Variants in PFKFB3 observed in about 807,000 individuals in gnomAD.
The protein encoded by PFKFB3 is 6-phosphofructo-2-kinase/fructose-2,6-bisphosphatase 3.
Under a neutral mutation model 68.0 loss-of-function variants are expected in PFKFB3, and 33 were observed. The observed-to-expected ratio is 0.49, with a 90% CI of 0.37 to 0.65. PFKFB3 has a LOEUF of 0.65. Ranked by LOEUF, PFKFB3 falls within the 30% of genes least tolerant of loss-of-function variation. The pLI is 0.00. For missense variants in PFKFB3, 586 were observed against 712.2 expected (o/e 0.82, Z 2.02); for synonymous variants, 315 against 288.2 (o/e 1.09, Z -0.94).
chr10:6,185,539 G>T (rs1305113940), intron 1 of PFKFB3, among the ~76,000 whole-genome samples: 1 of 152,042 alleles, frequency 6.6e-6, no homozygotes, highest in Non-Finnish European at 1.5e-5. Context: ...CTTCCACCGG[G>T]TGCTGCTGGA....
At chr10:6,196,808 ACT>A (rs1285873684) in intron 1 of PFKFB3, among the ~76,000 whole-genome samples, 1 of 151,776 alleles carries the variant, frequency 6.6e-6, no homozygotes, top group Non-Finnish European at 1.5e-5. Flanking sequence ...TCATCTTGAC[ACT>A]CAGTATTCAC....
At chr10:6,269,500 A>C in the PFKFB3 span, among the ~76,000 whole-genome samples, 2 of 151,944 alleles carry the variant, frequency 1.3e-5, no homozygotes, top group African/African-American at 4.8e-5. Context: ...ACATACATAT[A>C]TTTTTTTCCC....
upstream of PFKFB3, among the ~76,000 whole-genome samples, chr10:6,201,742 T>A (rs970498744): frequency 6.6e-6 from 1 of 152,060 alleles, no homozygotes; most frequent in Non-Finnish European, 1.5e-5. The surrounding 1 kb of genome is among the most constrained non-coding windows in gnomAD (Gnocchi z 4.1). Flanking sequence ...GCCTCAGCGC[T>A]AAGTGTGCAC....
intron 1 of PFKFB3, chr10:6,146,337 A>G: frequency 6.5e-7 from 1 of 1,529,230 alleles, no homozygotes; most frequent in African/African-American, 1.4e-5. Flanking sequence ...CTGGCGGTGA[A>G]GGGGGTGGCT....
chr10:6,196,994 ATTATTT>A (rs1843196176), intron 1 of PFKFB3, among the ~76,000 whole-genome samples: 2 of 151,362 alleles, frequency 1.3e-5, no homozygotes, highest in African/African-American at 4.9e-5. Context: ...TATTATTATT[ATTATTT>A]TTGAGACAGA....
chr10:6,247,460 G>A (rs1404563012), intron 14 of PFKFB3, among the ~76,000 whole-genome samples: 1 of 152,194 alleles, frequency 6.6e-6, no homozygotes. Flanking sequence ...ACATCCATCC[G>A]CCCACTGCTT....
chr10:6,246,111 C>G (rs1173194910), intron 14 of PFKFB3, among the ~76,000 whole-genome samples: 1 of 152,162 alleles, frequency 6.6e-6, no homozygotes. Flanking sequence ...GATGGCCATT[C>G]ACCCGGCTGG....
chr10:6,237,489 T>C (rs1482534095), downstream of PFKFB3, among the ~76,000 whole-genome samples: 1 of 152,278 alleles, frequency 6.6e-6, no homozygotes, highest in Non-Finnish European at 1.5e-5. Context: ...GTAACTTTTT[T>C]TGAATTAAAA....
rs545336593 is a variant in PFKFB3, at chr10:6,146,558, C to A, written c.16+1545C>A. On this transcript the variant is annotated intron_variant, in intron 1 of 14. Transcript: ENST00000379789. ...GAGGCTCTCAGAGTGTCCCTCCCCC[C>A]CTACTCATTAACTGCAGGGGACAAT... is the stretch of plus-strand genomic sequence containing the variant. 1.2e-4 allele frequency: 170 copies of A among 1,456,906 alleles called. No homozygotes were observed. In the African/African-American group the frequency reaches 1.4e-3, roughly 12 times the overall value. 90.2% of individuals were successfully genotyped at this position (1,456,906 alleles called of 1,614,324 possible).
At chr10:6,219,111 A>C (rs898527336) in intron 6 of PFKFB3, among the ~76,000 whole-genome samples, 2 of 152,248 alleles carry the variant, frequency 1.3e-5, no homozygotes, top group Non-Finnish European at 2.9e-5. Flanking sequence ...TGCCTCAGGC[A>C]GTGGGGGGTG....
At chr10:6,300,663 T>A in the PFKFB3 span, among the ~76,000 whole-genome samples, 1 of 152,062 alleles carries the variant, frequency 6.6e-6, no homozygotes, top group African/African-American at 2.4e-5. Context: ...TTCATGCTGC[T>A]TTCTTATTAA....
the PFKFB3 span, among the ~76,000 whole-genome samples, chr10:6,323,404 C>T: frequency 2.0e-5 from 3 of 152,164 alleles, no homozygotes; most frequent in East Asian, 5.8e-4. Context: ...GGATGCCTCA[C>T]CTCACTCTGC....
At position 6,222,942 on chromosome 10, in the gene PFKFB3, G is replaced by A. The variant is rs775924004; in HGVS notation, c.1171G>A (p.Val391Ile). Residue 391 changes from valine to isoleucine, a missense_variant, in exon 11 of 15, where the codon GTC (valine) becomes ATC (isoleucine). By Grantham distance (29) the Val-to-Ile change is conservative. Coordinates refer to ENST00000379775, the MANE Select transcript of PFKFB3 (RefSeq NM_004566.4). The part of the protein sequence containing the change: ...ENVLVICHQA[V>I]LRCLLAYFLD... ...TGTGCTGGTCATCTGCCACCAGGCC[G>A]TCCTGCGCTGCCTGCTTGCCTACTT... 2.2e-5 allele frequency: 36 copies of A among 1,613,782 alleles called. No individual in the cohort carries two copies. The highest frequency in any genetic ancestry group is 1.0e-4 in the Admixed American group (6 of 59,992).
At chr10:6,205,907 C>T (rs1023739069) in intron 1 of PFKFB3, among the ~76,000 whole-genome samples, 5 of 152,014 alleles carry the variant, frequency 3.3e-5, no homozygotes, top group African/African-American at 7.3e-5. Flanking sequence ...AAGTGATGCT[C>T]CCGCCTCAGC....
the PFKFB3 span, among the ~76,000 whole-genome samples, chr10:6,265,017 C>T: frequency 3.3e-5 from 5 of 152,106 alleles, no homozygotes; most frequent in African/African-American, 1.2e-4. Context: ...TTCAGAGACA[C>T]CTACTGCATT....
upstream of PFKFB3, among the ~76,000 whole-genome samples, chr10:6,200,704 GTTAAC>G (rs1843320017): frequency 7.0e-6 from 1 of 142,716 alleles, no homozygotes; most frequent in African/African-American, 2.6e-5. Context: ...CGGGGATTGA[GTTAAC>G]TTCCTTTTGC....
intron 1 of PFKFB3, among the ~76,000 whole-genome samples, chr10:6,168,749 G>A (rs557212415): frequency 1.3e-5 from 2 of 152,144 alleles, no homozygotes; most frequent in East Asian, 3.9e-4. Flanking sequence ...GGTGCCGAGT[G>A]TATTTGCAGG....
chr10:6,259,380 A>G (rs1846519953), downstream of PFKFB3, among the ~76,000 whole-genome samples: 1 of 146,698 alleles, frequency 6.8e-6, no homozygotes, highest in Non-Finnish European at 1.5e-5. Context: ...CCATTCACCA[A>G]CTCATCCATT....
At chr10:6,178,506 G>A (rs770986717) in intron 1 of PFKFB3, among the ~76,000 whole-genome samples, 1 of 152,178 alleles carries the variant, frequency 6.6e-6, no homozygotes, top group Non-Finnish European at 1.5e-5. Context: ...TGGCTCAGAG[G>A]GGACTTGGGT....
Sources: gnomAD v4.1 joint callset for allele counts (sites outside exome capture counted in the v4.1 genomes callset) on GRCh38, gnomAD v4.1.1 for gene constraint, Gnocchi (gnomAD v3.1) non-coding constraint, MANE v1.5 for transcripts, NCBI Gene and HGNC (gene_info 2026-07-23, HGNC 2026-07-21) for gene names.